Variants in TFEC observed in about 807,000 individuals in gnomAD.
The protein encoded by TFEC is transcription factor EC.
TFEC carries 31 observed loss-of-function variants against 41.6 expected under a neutral mutation model. The ratio of observed to expected loss-of-function variants is 0.74; its 90% CI spans 0.56 to 1.01. The LOEUF (loss-of-function observed/expected upper bound fraction) is 1.01. TFEC is among the 50% of genes least tolerant of loss of function. The pLI is 0.00. For synonymous variants in TFEC, 143 were observed against 140.6 expected (o/e 1.02, Z -0.12); for missense variants, 402 against 404.1 (o/e 0.99, Z 0.04).
At chr7:115,946,622 TTCTC>T (rs67677341) in intron 6 of TFEC, among the ~76,000 whole-genome samples, 62,954 of 144,926 alleles carry the variant, frequency 0.43, 13,676 homozygotes, top group Non-Finnish European at 0.47. Context: ...CTTTCTTTCT[TTCTC>T]TCTCTCTCTC....
At chr7:115,950,844 C>A in intron 6 of TFEC, 30 bp downstream of exon 6, 1 of 1,545,738 alleles carries the variant, frequency 6.5e-7, no homozygotes, top group Non-Finnish European at 8.8e-7. Context: ...TAAATTATAA[C>A]ATTATTATAG....
At chr7:115,946,110 C>A (rs1252755102) in intron 6 of TFEC, among the ~76,000 whole-genome samples, 1 of 151,624 alleles carries the variant, frequency 6.6e-6, no homozygotes, top group Non-Finnish European at 1.5e-5. Flanking sequence ...AAACTATTCC[C>A]ATACACCTTA....
At chr7:115,989,879 G>A (rs377746408) in intron 1 of TFEC, among the ~76,000 whole-genome samples, 15 of 152,300 alleles carry the variant, frequency 9.8e-5, no homozygotes, top group Middle Eastern at 6.8e-3. Flanking sequence ...AGAGAGTAGT[G>A]GTTCTCCCAG....
intron 3 of TFEC, among the ~76,000 whole-genome samples, chr7:116,088,732 C>T (rs568261253): frequency 3.5e-4 from 53 of 151,920 alleles, no homozygotes; most frequent in Middle Eastern, 6.8e-3. Flanking sequence ...CACATTTGTT[C>T]CTTTTCATCT....
chr7:116,077,103 G>A (rs1796977042), intron 3 of TFEC, among the ~76,000 whole-genome samples: 1 of 152,120 alleles, frequency 6.6e-6, no homozygotes, highest in Admixed American at 6.5e-5. Context: ...CAAACTAGAA[G>A]GGATTGAGGT....
intron 2 of TFEC, among the ~76,000 whole-genome samples, chr7:115,980,479 G>T (rs1442806818): frequency 6.6e-6 from 1 of 152,202 alleles, no homozygotes; most frequent in East Asian, 1.9e-4. Context: ...GCTGGGCATG[G>T]TGGCTCATCC....
At chr7:116,103,515 T>A (rs1797649431) in intron 3 of TFEC, among the ~76,000 whole-genome samples, 1 of 152,148 alleles carries the variant, frequency 6.6e-6, no homozygotes, top group Admixed American at 6.6e-5. Context: ...AACCAAGACA[T>A]GACATTTCCT....
intron 1 of TFEC, 40 bp from the exon 2 acceptor site, chr7:115,984,553 A>G: frequency 1.3e-6 from 2 of 1,593,900 alleles, no homozygotes; most frequent in Non-Finnish European, 1.7e-6. Flanking sequence ...GTGCAGCATC[A>G]GCTGTGAAAT....
At chr7:116,106,202 T>G (rs1350481632) in intron 3 of TFEC, among the ~76,000 whole-genome samples, 6 of 152,150 alleles carry the variant, frequency 3.9e-5, no homozygotes, top group Non-Finnish European at 7.4e-5. Context: ...TTTCACTCTT[T>G]AAAATAAATT....
chr7:116,049,473 C>A lies in TFEC; in HGVS notation c.198+61235G>T, dbSNP rs564893382. Reference sequence around the variant, plus strand: ...CACCCAATACAAGAGCACCCAGATTCATAAAGCAAGTCCTTAGAGACCTAC... The same window carrying A: ...CACCCAATACAAGAGCACCCAGATTAATAAAGCAAGTCCTTAGAGACCTAC... On this transcript the variant is annotated intron_variant, in intron 3 of 8. Coordinates refer to the TFEC transcript ENST00000484212. 2.0e-5 allele frequency among the ~76,000 whole-genome samples: 3 copies of A among 152,278 alleles called. No individual in the cohort carries two copies. The South Asian group carries it at 6.2e-4, about 32-fold the overall frequency.
intron 4 of TFEC, among the ~76,000 whole-genome samples, chr7:115,955,368 T>C (rs561672801): frequency 6.6e-6 from 1 of 152,046 alleles, no homozygotes; most frequent in South Asian, 2.1e-4. Flanking sequence ...TTTTTAACTT[T>C]CACATTGGCA....
At chr7:116,090,128 T>G (rs79851174) in intron 3 of TFEC, among the ~76,000 whole-genome samples, 8,981 of 152,252 alleles carry the variant, frequency 0.059, 334 homozygotes, top group Non-Finnish European at 0.091. Flanking sequence ...CCCACGTTTT[T>G]CTGCCCAGCA....
intron 1 of TFEC, among the ~76,000 whole-genome samples, chr7:116,005,196 C>T (rs923336234): frequency 1.3e-5 from 2 of 152,118 alleles, no homozygotes; most frequent in African/African-American, 4.8e-5. Context: ...TAAAGTGGGG[C>T]ACTGCTGAAA....
intron 1 of TFEC, among the ~76,000 whole-genome samples, chr7:116,156,545 G>T (rs749213292): frequency 6.6e-6 from 1 of 152,106 alleles, no homozygotes; most frequent in Non-Finnish European, 1.5e-5. Flanking sequence ...CCTCAGCCTT[G>T]AATCTTTTCT....
intron 1 of TFEC, among the ~76,000 whole-genome samples, chr7:116,027,492 G>A (rs1233641703): frequency 6.6e-6 from 1 of 152,096 alleles, no homozygotes; most frequent in Non-Finnish European, 1.5e-5. Context: ...GCTACTCTGG[G>A]GGGTTGAGGC....
At chr7:115,961,399 T>C (rs76045957) in intron 3 of TFEC, among the ~76,000 whole-genome samples, 1,728 of 151,638 alleles carry the variant, frequency 0.011, 29 homozygotes, top group Admixed American at 0.037. Flanking sequence ...GTCTAGAATA[T>C]GGCAAAACAA....
At chr7:116,010,020 C>T (rs550608314) in intron 1 of TFEC, among the ~76,000 whole-genome samples, 2 of 152,200 alleles carry the variant, frequency 1.3e-5, no homozygotes, top group South Asian at 4.1e-4. Flanking sequence ...CAGGAAGTAA[C>T]TACATCAAGA....
intron 1 of TFEC, among the ~76,000 whole-genome samples, chr7:116,148,366 G>A (rs1431695069): frequency 2.0e-5 from 3 of 152,214 alleles, no homozygotes; most frequent in Middle Eastern, 3.4e-3. Flanking sequence ...GAGACAAAAG[G>A]GAAATTAATT....
At chr7:115,982,617 T>C (rs1793678101) in intron 2 of TFEC, among the ~76,000 whole-genome samples, 1 of 152,194 alleles carries the variant, frequency 6.6e-6, no homozygotes, top group African/African-American at 2.4e-5. Flanking sequence ...TGGGAGATAC[T>C]TTTGTATACA....
Sources: gnomAD v4.1 joint callset for allele counts (sites outside exome capture counted in the v4.1 genomes callset) on GRCh38, gnomAD v4.1.1 for gene constraint, MANE v1.5 for transcripts, NCBI Gene and HGNC (gene_info 2026-07-23, HGNC 2026-07-21) for gene names.